Variants in ATP11A observed in about 807,000 individuals in gnomAD.
ATP11A encodes the protein phospholipid-transporting ATPase IH.
ATP11A carries 81 observed loss-of-function variants against 154.4 expected under a neutral mutation model. That is an observed-to-expected ratio of 0.52 (90% CI 0.44 to 0.63). The LOEUF is 0.63. Ranked by LOEUF, ATP11A falls within the 30% of genes least tolerant of loss-of-function variation. The pLI, the probability that ATP11A is intolerant of heterozygous loss-of-function variation, is 0.00. For missense variants in ATP11A, 1,316 were observed against 1,474.3 expected, an observed-to-expected ratio of 0.89 and a Z score of 1.76; for synonymous variants, 623 against 585.9, an observed-to-expected ratio of 1.06 and a Z score of -0.91.
intron 17 of ATP11A, among the ~76,000 whole-genome samples, chr13:112,843,966 A>T (rs960318397): frequency 1.3e-5 from 2 of 152,152 alleles, no homozygotes; most frequent in African/African-American, 4.8e-5. Context: ...ACTGACTTCC[A>T]CCAGCCACAG....
chr13:112,835,325 C>A (rs145750733), intron 15 of ATP11A, among the ~76,000 whole-genome samples: 4 of 152,334 alleles, frequency 2.6e-5, no homozygotes, highest in Non-Finnish European at 5.9e-5. Flanking sequence ...GACACAAGAT[C>A]TGGTGGTGAT....
In ATP11A at chr13:112,846,211, C is replaced by T. The variant is rs550055904; in HGVS notation, c.1809+3832C>T. On this transcript the variant is annotated intron_variant, in intron 17 of 29. Transcript: ENST00000375645. Reference sequence around the variant, plus strand: ...ATCTGCGGCGTTTCATCAAGTTTAACATTTTTCAGCAATTATTCTACAGAT... The same window carrying T: ...ATCTGCGGCGTTTCATCAAGTTTAATATTTTTCAGCAATTATTCTACAGAT... 3.9e-5 allele frequency among the ~76,000 whole-genome samples: 6 copies of T among 152,334 alleles called. No individual in the cohort carries two copies. The East Asian group carries it at 5.8e-4, about 15-fold the overall frequency.
chr13:112,821,033 A>AGT (rs1168074697), intron 8 of ATP11A, among the ~76,000 whole-genome samples: 1 of 152,222 alleles, frequency 6.6e-6, no homozygotes, highest in Non-Finnish European at 1.5e-5. Flanking sequence ...GAGAACTGAT[A>AGT]GTGACCTTGC....
chr13:112,749,141 C>G (rs1389603655), intron 1 of ATP11A, among the ~76,000 whole-genome samples: 2 of 152,230 alleles, frequency 1.3e-5, no homozygotes, highest in South Asian at 2.1e-4. Flanking sequence ...AGGCTGTCTG[C>G]TCTGGTGGAT....
intron 12 of ATP11A, among the ~76,000 whole-genome samples, chr13:112,828,427 G>T (rs12020607): frequency 2.9e-5 from 4 of 135,938 alleles, no homozygotes; most frequent in South Asian, 2.6e-4. Context: ...GGTGTTGAGT[G>T]GGGGGAAAGT....
At position 112,767,822 on chromosome 13, in the gene ATP11A, C is replaced by G. The variant is rs1213124734; in HGVS notation, c.40-17313C>G. Among the ~76,000 whole-genome samples, 3 of 152,144 alleles carry G rather than the reference C, an allele frequency of 2.0e-5. No individual in the cohort carries two copies. The East Asian group carries it at 5.8e-4, about 29-fold the overall frequency. On this transcript the variant is annotated intron_variant, in intron 1 of 29. Coordinates refer to ENST00000375645, the MANE Select transcript of ATP11A (RefSeq NM_015205.3). ...AGTGCGTCTGTGGTGGTGGGCTTGA[C>G]CTGAGGCTCATCCTTGTCACCTGCT...
chr13:112,811,614 TA>T (rs1173125940), intron 5 of ATP11A: 1 of 152,198 alleles, frequency 6.6e-6, no homozygotes, highest in Non-Finnish European at 1.5e-5. Context: ...TGTATTTATT[TA>T]TTTTTTAAGA....
chr13:112,806,256 C>T lies in ATP11A; in HGVS notation c.296C>T (p.Pro99Leu). 1.2e-6 allele frequency: 2 copies of T among 1,613,636 alleles called. No individual in the cohort carries two copies. Among genetic ancestry groups the T allele is most frequent in the Non-Finnish European group, 1.7e-6 (2 of 1,179,738 alleles). The change falls in exon 4 of 30, where the codon CCA becomes CTA. Residue 99 changes from proline to leucine, a missense_variant. Pro to Leu is a moderately conservative substitution (Grantham distance 98). Around this residue, in one of 5 missense-constraint regions of ATP11A, gnomAD observed 4 missense variants for 16.9 expected, o/e 0.24. Coordinates refer to ENST00000375645, the MANE Select transcript of ATP11A (RefSeq NM_015205.3). ...TPTSPVTSGL[P>L]LFFVITVTAI... Reference sequence around the variant, plus strand: ...ACAAGTCCAGTGACAAGCGGACTTCCACTCTTCTTTGTCATTACTGTGACG... The same window carrying T: ...ACAAGTCCAGTGACAAGCGGACTTCTACTCTTCTTTGTCATTACTGTGACG...
intron 1 of ATP11A, among the ~76,000 whole-genome samples, chr13:112,734,566 A>G (rs902995817): frequency 6.6e-6 from 1 of 152,162 alleles, no homozygotes; most frequent in African/African-American, 2.4e-5. Context: ...TCAAACCCTG[A>G]CTGTATCGGA....
intron 1 of ATP11A, among the ~76,000 whole-genome samples, chr13:112,760,332 C>T (rs1426295991): frequency 6.6e-6 from 1 of 152,170 alleles, no homozygotes; most frequent in Non-Finnish European, 1.5e-5. Flanking sequence ...ATAGGGCCCC[C>T]GCCGAGTCCA....
At chr13:112,873,717 TGTG>T in intron 27 of ATP11A, 41 bp downstream of exon 27, 1 of 1,556,060 alleles carries the variant, frequency 6.4e-7, no homozygotes, top group Non-Finnish European at 8.9e-7. Flanking sequence ...ATAAATATCA[TGTG>T]GTTGTTATTT....
At chr13:112,714,556 G>A (rs542454693) in intron 1 of ATP11A, among the ~76,000 whole-genome samples, 38 of 152,356 alleles carry the variant, frequency 2.5e-4, no homozygotes, top group Non-Finnish European at 4.1e-4. Flanking sequence ...CTGGAGGCCC[G>A]TCTGGCTTCT....
chr13:112,780,924 G>A lies in ATP11A; in HGVS notation c.40-4211G>A, dbSNP rs542258159. The stretch of plus-strand genomic sequence containing the variant: ...TGTGGCTGATCCTGTCTGGGAACGC[G>A]GAGAGAGAGAGGCTGGGGTCTCCAT... On this transcript the variant is annotated intron_variant, in intron 1 of 29. Transcript: ENST00000375645. Among the ~76,000 whole-genome samples the A allele has an allele frequency of 2.0e-3, 305 of 152,222 alleles. 1 individual carries two copies. Among genetic ancestry groups the A allele is most frequent in the Non-Finnish European group, 3.4e-3 (233 of 67,992 alleles).
chr13:112,779,367 GGAGTAGCCGCTGGAGT>G (rs1376018007), intron 1 of ATP11A, among the ~76,000 whole-genome samples: 1,964 of 136,354 alleles, frequency 0.014, 67 homozygotes, highest in African/African-American at 0.042. Flanking sequence ...GCTGGAGTGA[GGAGTAGCCGCTGGAGT>G]GAGTAGCCGC....
intron 13 of ATP11A, 75 bp from the exon 14 acceptor site, chr13:112,832,785 C>T (rs1466673302): frequency 6.6e-7 from 1 of 1,512,696 alleles, no homozygotes; most frequent in African/African-American, 1.4e-5. Flanking sequence ...TTCTTGTTAT[C>T]TCTCTGCGCC....
chr13:112,834,856 G>C (rs1344332183), intron 15 of ATP11A, among the ~76,000 whole-genome samples, 196 bp downstream of exon 15: 6 of 152,264 alleles, frequency 3.9e-5, no homozygotes, highest in African/African-American at 1.4e-4. Context: ...GGGCTTGGGT[G>C]CAGCCACAGC....
At chr13:112,770,331 T>G (rs1005442811) in intron 1 of ATP11A, among the ~76,000 whole-genome samples, 1 of 152,062 alleles carries the variant, frequency 6.6e-6, no homozygotes, top group African/African-American at 2.4e-5. Context: ...CCCAAGTGAT[T>G]TTGTGCAAAA....
In ATP11A at chr13:112,851,104, A is replaced by G; in HGVS notation, c.1877A>G (p.Lys626Arg). Residue 626 changes from lysine to arginine, a missense_variant, in exon 18 of 30, where the codon AAG (lysine) becomes AGG (arginine). By Grantham distance (26) the Lys-to-Arg change is conservative (BLOSUM62 2). Transcript: ENST00000375645. ...CAAGAAGAATATGAAGGCATTTGTA[A>G]GCTGCTGCAGGCTGCCAAAGTGGCC... ...LIQEEYEGIC[K>R]LLQAAKVALQ... is the part of the protein sequence containing the mutation. 1 of 1,614,258 alleles carries G rather than the reference A, an allele frequency of 6.2e-7. No individual in the cohort carries two copies. The highest frequency in any genetic ancestry group is 8.5e-7 in the Non-Finnish European group (1 of 1,180,044).
chr13:112,824,193 T>C (rs1242579850), intron 9 of ATP11A, 151 bp from the exon 10 acceptor site: 8 of 626,996 alleles, frequency 1.3e-5, no homozygotes, highest in Non-Finnish European at 2.3e-5. Context: ...AATCAAGTGC[T>C]AGTGTTATGT....
Sources: gnomAD v4.1 joint callset for allele counts (sites outside exome capture counted in the v4.1 genomes callset) on GRCh38, gnomAD v4.1.1 for gene constraint, gnomAD v4.1.1 regional missense constraint, MANE v1.5 for transcripts, NCBI Gene and HGNC (gene_info 2026-07-23, HGNC 2026-07-21) for gene names.